The following RHBDD1 variants were observed in gnomAD, a reference collection of about 807,000 sequenced individuals.
The protein encoded by RHBDD1 is rhomboid domain containing 1.
In RHBDD1, 38 loss-of-function variants were observed where a neutral mutation model predicts 36.3. The ratio of observed to expected loss-of-function variants is 1.05; its 90% CI spans 0.81 to 1.37. The LOEUF (loss-of-function observed/expected upper bound fraction) is 1.37, where lower values mean the gene tolerates loss of function less well. Among genes scored for constraint, RHBDD1 ranks in the 40% most tolerant of loss-of-function variants. The pLI is 0.00. For synonymous variants in RHBDD1, 151 were observed against 136.5 expected (o/e 1.11, Z -0.74); for missense variants, 393 against 377.6 (o/e 1.04, Z -0.34).
intron 8 of RHBDD1, among the ~76,000 whole-genome samples, chr2:226,958,330 C>T (rs751580696): frequency 3.3e-5 from 5 of 152,080 alleles, no homozygotes; most frequent in African/African-American, 7.2e-5. Flanking sequence ...ATAGGCAATC[C>T]ATGAAGACAG....
chr2:226,889,447 G>A (rs1946504697), intron 5 of RHBDD1, among the ~76,000 whole-genome samples: 2 of 152,072 alleles, frequency 1.3e-5, no homozygotes, highest in East Asian at 3.9e-4. Flanking sequence ...GGGTTGAAGG[G>A]GAAAAGGATA....
intron 3 of RHBDD1, among the ~76,000 whole-genome samples, chr2:226,862,719 G>A (rs1023504887): frequency 2.0e-5 from 3 of 152,158 alleles, no homozygotes; most frequent in African/African-American, 7.2e-5. Context: ...AAATACCTGA[G>A]TCTGAGTAAT....
chr2:226,909,033 G>A (rs1346680852), intron 7 of RHBDD1, among the ~76,000 whole-genome samples, 155 bp downstream of exon 7: 3 of 152,142 alleles, frequency 2.0e-5, no homozygotes, highest in African/African-American at 7.2e-5. Context: ...AAGCTAGATG[G>A]AGGGTAGCCT....
At chr2:226,984,737 ACTCAATTTATAAGC>A (rs1163557032) in intron 8 of RHBDD1, among the ~76,000 whole-genome samples, 7 of 152,272 alleles carry the variant, frequency 4.6e-5, no homozygotes, top group Non-Finnish European at 1.0e-4. Flanking sequence ...CTCATGGAAT[ACTCAATTTATAAGC>A]CCTGGTCTTG....
intron 6 of RHBDD1, 181 bp downstream of exon 6, chr2:226,907,062 G>C (rs952363144): frequency 1.5e-5 from 10 of 662,444 alleles, no homozygotes; most frequent in African/African-American, 5.5e-5. Context: ...CTCCACAAAA[G>C]AGGCTGCAAA....
chr2:226,807,260 TA>T, the RHBDD1 span, among the ~76,000 whole-genome samples: 2 of 152,246 alleles, frequency 1.3e-5, no homozygotes, highest in Non-Finnish European at 2.9e-5. Context: ...TAAATGTATT[TA>T]AAATATATTC....
intron 5 of RHBDD1, among the ~76,000 whole-genome samples, chr2:226,870,154 C>T (rs558261473): frequency 3.9e-5 from 6 of 152,240 alleles, no homozygotes; most frequent in East Asian, 3.9e-4. Context: ...ACATACTGGC[C>T]GTGGGACCTC....
At chr2:226,961,328 A>C (rs755619944) in intron 8 of RHBDD1, among the ~76,000 whole-genome samples, 5 of 152,180 alleles carry the variant, frequency 3.3e-5, no homozygotes, top group Non-Finnish European at 5.9e-5. Context: ...CCAGGAAAGC[A>C]CTGGGTCTGT....
At chr2:226,824,232 A>G in the RHBDD1 span, among the ~76,000 whole-genome samples, 3 of 152,282 alleles carry the variant, frequency 2.0e-5, no homozygotes, top group East Asian at 5.8e-4. Flanking sequence ...TGAAGAATAC[A>G]CAAGAATTCT....
At chr2:226,876,399 G>A (rs1196539854) in intron 5 of RHBDD1, among the ~76,000 whole-genome samples, 2 of 152,162 alleles carry the variant, frequency 1.3e-5, no homozygotes, top group Non-Finnish European at 2.9e-5. Flanking sequence ...TTCATGGGCC[G>A]TATAGGAATG....
At chr2:226,846,163 G>A (rs1366758) in intron 3 of RHBDD1, among the ~76,000 whole-genome samples, 138,579 of 152,252 alleles carry the variant, frequency 0.91, 63,622 homozygotes, top group African/African-American at 0.98. Context: ...GCCAAACGCA[G>A]TGTTGCTTGT....
At chr2:226,956,990 A>C (rs1951828383) in intron 8 of RHBDD1, among the ~76,000 whole-genome samples, 1 of 152,194 alleles carries the variant, frequency 6.6e-6, no homozygotes, top group African/African-American at 2.4e-5. Flanking sequence ...AAAGATAAGA[A>C]TATTTCTTGA....
chr2:226,800,509 T>C, the RHBDD1 span, among the ~76,000 whole-genome samples: 1 of 152,144 alleles, frequency 6.6e-6, no homozygotes, highest in East Asian at 1.9e-4. Context: ...CGTCCGGCGC[T>C]GTGGAATTAG....
chr2:226,955,970 G>A (rs1054292780), intron 8 of RHBDD1, among the ~76,000 whole-genome samples: 9 of 152,186 alleles, frequency 5.9e-5, no homozygotes, highest in Non-Finnish European at 7.3e-5. Flanking sequence ...CTTAGCACAC[G>A]CAGATGCCAG....
intron 8 of RHBDD1, among the ~76,000 whole-genome samples, chr2:226,976,619 G>C (rs1954631872): frequency 6.6e-6 from 1 of 152,096 alleles, no homozygotes; most frequent in Non-Finnish European, 1.5e-5. Context: ...AACACTTAGA[G>C]GAAGAGAAGA....
intron 8 of RHBDD1, among the ~76,000 whole-genome samples, chr2:226,953,220 T>A (rs1057307770): frequency 2.0e-5 from 3 of 151,750 alleles, no homozygotes; most frequent in African/African-American, 4.8e-5. Context: ...AGGAATGAAA[T>A]TTTTTTTTCA....
chr2:226,967,153 C>T (rs6751356), intron 8 of RHBDD1, among the ~76,000 whole-genome samples: 2,219 of 152,124 alleles, frequency 0.015, 43 homozygotes, highest in African/African-American at 0.051. Context: ...TGTGAAGTGG[C>T]CCCCGTTCCC....
intron 8 of RHBDD1, among the ~76,000 whole-genome samples, chr2:226,991,135 CA>C (rs916680696): frequency 2.6e-5 from 4 of 152,184 alleles, no homozygotes; most frequent in African/African-American, 9.6e-5. Flanking sequence ...AAAGGGTTTG[CA>C]AACAGAATTG....
At chr2:226,894,836 G>C (rs1412002243) in intron 5 of RHBDD1, among the ~76,000 whole-genome samples, 3 of 152,232 alleles carry the variant, frequency 2.0e-5, no homozygotes, top group African/African-American at 7.2e-5. Flanking sequence ...TAGCATGCTA[G>C]AGGAGCACAG....
Sources: allele counts gnomAD v4.1 joint callset (sites outside exome capture counted in the v4.1 genomes callset), GRCh38; gene constraint gnomAD v4.1.1; transcripts MANE v1.5; gene names NCBI Gene and HGNC (gene_info 2026-07-23, HGNC 2026-07-21).